Variants in SPIDR observed in about 807,000 individuals in gnomAD.
The protein encoded by SPIDR is scaffold protein involved in DNA repair, also known as DNA repair-scaffolding protein.
Under a neutral mutation model 104.6 loss-of-function variants are expected in SPIDR, and 93 were observed. The observed-to-expected ratio is 0.89, with a 90% CI of 0.75 to 1.06. The LOEUF (loss-of-function observed/expected upper bound fraction) is 1.06, where lower values mean the gene tolerates loss of function less well. Ranked by LOEUF, SPIDR falls within the 50% of genes least tolerant of loss-of-function variation. The pLI is 0.00. For synonymous variants in SPIDR, 431 were observed against 416.9 expected (o/e 1.03, Z -0.41); for missense variants, 1,154 against 1,111.2 (o/e 1.04, Z -0.55).
intron 6 of SPIDR, among the ~76,000 whole-genome samples, chr8:47,406,095 T>C (rs2062719714): frequency 6.6e-6 from 1 of 152,136 alleles, no homozygotes; most frequent in Admixed American, 6.5e-5. Context: ...TTTTGCCTTT[T>C]TTTTTTTTTT....
At chr8:47,536,989 G>A (rs2087028432) in intron 8 of SPIDR, among the ~76,000 whole-genome samples, 1 of 152,174 alleles carries the variant, frequency 6.6e-6, no homozygotes, top group African/African-American at 2.4e-5. Context: ...GTGTCATCAG[G>A]AATTGCAAAT....
intron 8 of SPIDR, chr8:47,510,947 A>G (rs1013037993): frequency 1.6e-6 from 1 of 621,748 alleles, no homozygotes; most frequent in African/African-American, 1.8e-5. Context: ...TGGTGTGTAC[A>G]AGGGGGCAGG....
At chr8:47,389,971 A>T (rs2060387462) in intron 5 of SPIDR, among the ~76,000 whole-genome samples, 1 of 152,166 alleles carries the variant, frequency 6.6e-6, no homozygotes. Context: ...GAAATGGTTA[A>T]AGGATATGAA....
At chr8:47,470,130 C>A (rs1474152552) in intron 8 of SPIDR, among the ~76,000 whole-genome samples, 1 of 152,128 alleles carries the variant, frequency 6.6e-6, no homozygotes. Flanking sequence ...ATGTAGGACT[C>A]ACAATTCCTG....
chr8:47,426,241 G>A (rs1230082315), intron 7 of SPIDR, among the ~76,000 whole-genome samples: 9 of 152,104 alleles, frequency 5.9e-5, no homozygotes, highest in Non-Finnish European at 8.8e-5. Flanking sequence ...GCAACAGGGC[G>A]AGACACAGTC....
At chr8:47,728,905 T>G in intron 17 of SPIDR, 28 bp from the exon 18 acceptor site, 1 of 1,588,026 alleles carries the variant, frequency 6.3e-7, no homozygotes, top group Non-Finnish European at 8.6e-7. Flanking sequence ...CCCGGGGCCT[T>G]GTCTTTCCTT....
chr8:47,520,614 A>G lies in SPIDR; in HGVS notation c.1098-75197A>G, dbSNP rs549305537. 2.8e-3 allele frequency among the ~76,000 whole-genome samples: 421 copies of G among 152,348 alleles called. 1 individual carries two copies. Among genetic ancestry groups the G allele is most frequent in the African/African-American group, 9.9e-3 (411 of 41,578 alleles). ...ATTCTTAACTTATTCCTTTCAAAAA[A>G]GAAGCTAACTGTATTTAATGCTTTG... is the stretch of plus-strand genomic sequence containing the variant. On this transcript the variant is annotated intron_variant, in intron 8 of 19. Transcript: ENST00000297423.
intron 11 of SPIDR, among the ~76,000 whole-genome samples, chr8:47,680,572 C>T (rs1405923418): frequency 2.6e-5 from 4 of 152,284 alleles, no homozygotes; most frequent in Admixed American, 2.0e-4. Flanking sequence ...AAGAGCTCTC[C>T]GTGGGTAAGA....
At chr8:47,624,235 C>T (rs887407562) in intron 10 of SPIDR, among the ~76,000 whole-genome samples, 1 of 152,194 alleles carries the variant, frequency 6.6e-6, no homozygotes, top group African/African-American at 2.4e-5. Context: ...ACATTCAAAG[C>T]AGTGTGTAGA....
At position 47,713,488 on chromosome 8, in the gene SPIDR, G is replaced by C; in HGVS notation, c.2189-1G>C. ...ATAACCTGAAGTGTCTCTGTCGGCA[G>C]GTCGGATTGTTTGTGCTGAACGAAC... is the stretch of plus-strand genomic sequence containing the variant. On this transcript the variant is annotated splice_acceptor_variant, in intron 15 of 19. Transcript: ENST00000297423. LOFTEE classifies it high-confidence loss of function. 1.2e-6 allele frequency: 2 copies of C among 1,614,148 alleles called. No individual in the cohort carries two copies. The highest frequency in any genetic ancestry group is 1.7e-6 in the Non-Finnish European group (2 of 1,180,028).
chr8:47,443,748 T>G (rs1585799851), intron 8 of SPIDR, among the ~76,000 whole-genome samples: 2 of 151,794 alleles, frequency 1.3e-5, no homozygotes, highest in Non-Finnish European at 2.9e-5. Context: ...TTAAACTGTT[T>G]TTTTTTTTTA....
At position 47,644,325 on chromosome 8, in the gene SPIDR, C is replaced by G. The variant is rs373301056; in HGVS notation, c.1545-29476C>G. ...ATCTGAACGGAAGCTGATGTCAGGT[C>G]TCTCTCCTTCTTAGCTGTGCCCCAC... On this transcript the variant is annotated intron_variant, in intron 10 of 19. Transcript: ENST00000297423. Among the ~76,000 whole-genome samples, 3 of 152,352 alleles carry G rather than the reference C, an allele frequency of 2.0e-5. No homozygotes were observed. The East Asian group carries it at 5.8e-4, about 29-fold the overall frequency.
chr8:47,319,321 A>G (rs201123768), intron 5 of SPIDR, among the ~76,000 whole-genome samples: 6 of 152,164 alleles, frequency 3.9e-5, no homozygotes, highest in East Asian at 1.9e-4. Flanking sequence ...CAGACTTTAA[A>G]CCAACAAAGA....
intron 10 of SPIDR, chr8:47,653,989 G>A: frequency 7.9e-7 from 1 of 1,271,994 alleles, no homozygotes; most frequent in Non-Finnish European, 1.0e-6. Context: ...ATACTTAGAT[G>A]AGTGGGAGTG....
At chr8:47,490,101 C>T (rs2078419890) in intron 8 of SPIDR, among the ~76,000 whole-genome samples, 1 of 152,148 alleles carries the variant, frequency 6.6e-6, no homozygotes, top group Non-Finnish European at 1.5e-5. Context: ...GCAATCTACT[C>T]ATCTGAAAAA....
chr8:47,271,225 A>C (rs1029330097), intron 1 of SPIDR, among the ~76,000 whole-genome samples: 1 of 151,968 alleles, frequency 6.6e-6, no homozygotes, highest in South Asian at 2.1e-4. Flanking sequence ...TGCTATTTGG[A>C]GTTTTTAAGC....
intron 10 of SPIDR, among the ~76,000 whole-genome samples, chr8:47,635,560 A>C (rs2067776848): frequency 6.6e-6 from 1 of 152,124 alleles, no homozygotes; most frequent in African/African-American, 2.4e-5. Flanking sequence ...CAAGCATCAA[A>C]AAACAGATTG....
intron 8 of SPIDR, among the ~76,000 whole-genome samples, chr8:47,572,281 A>T (rs973017345): frequency 2.0e-5 from 3 of 152,196 alleles, no homozygotes; most frequent in African/African-American, 7.2e-5. Flanking sequence ...ATCTTAACAT[A>T]CATCTATCTT....
chr8:47,437,499 G>C (rs2068576656), intron 7 of SPIDR, among the ~76,000 whole-genome samples: 1 of 151,902 alleles, frequency 6.6e-6, no homozygotes, highest in African/African-American at 2.4e-5. Flanking sequence ...ATCATTGTTG[G>C]ACATTTGGGT....
Sources: allele counts gnomAD v4.1 joint callset (sites outside exome capture counted in the v4.1 genomes callset), GRCh38; gene constraint gnomAD v4.1.1; transcripts MANE v1.5; gene names NCBI Gene and HGNC (gene_info 2026-07-23, HGNC 2026-07-21).